The following MTURN variants were observed in gnomAD, a reference collection of about 807,000 sequenced individuals.
MTURN encodes maturin.
In MTURN, 7 loss-of-function variants were observed where a neutral mutation model predicts 14.9. That is an observed-to-expected ratio of 0.47 (90% CI 0.27 to 0.88). The LOEUF is 0.88. MTURN is among the 40% of genes least tolerant of loss of function. The pLI is 0.14. For synonymous variants in MTURN, 69 were observed against 72.5 expected, an observed-to-expected ratio of 0.95 and a Z score of 0.25; for missense variants, 151 against 174.1, an observed-to-expected ratio of 0.87 and a Z score of 0.75.
intron 2 of MTURN, among the ~76,000 whole-genome samples, chr7:30,147,003 T>A (rs1797140497): frequency 6.6e-6 from 1 of 152,268 alleles, no homozygotes; most frequent in South Asian, 2.1e-4. Flanking sequence ...CCCTGCCCAC[T>A]GTAAATACTG....
rs1368007240 is a variant in MTURN, at chr7:30,158,794, T to C, written c.*1246T>C. 1 of 152,232 alleles carries C rather than the reference T, an allele frequency of 6.6e-6. No individual in the cohort carries two copies. Among genetic ancestry groups the C allele is most frequent in the Non-Finnish European group, 1.5e-5 (1 of 68,036 alleles). The allele number at this position is 152,232 out of a possible 1,614,324, so 9.4% of individuals were successfully genotyped here. ...CTAACATGGAATTATTCCTGGACCC[T>C]TCTGCATCCCTGGTTTTAGTTAACC... On this transcript the variant is annotated 3_prime_UTR_variant, in exon 3 of 3. Coordinates refer to ENST00000324453, the MANE Select transcript of MTURN (RefSeq NM_152793.3).
chr7:30,157,247 G>T (rs1382852801), intron 2 of MTURN, among the ~76,000 whole-genome samples, 191 bp from the exon 3 acceptor site: 1 of 152,142 alleles, frequency 6.6e-6, no homozygotes, highest in Non-Finnish European at 1.5e-5. Context: ...AGCCCTTTGG[G>T]CACTAATCCA....
At chr7:30,136,489 G>C (rs763801657) in intron 1 of MTURN, among the ~76,000 whole-genome samples, 39 of 152,334 alleles carry the variant, frequency 2.6e-4, no homozygotes, top group Middle Eastern at 3.4e-3. Context: ...CTCCTCAGGT[G>C]GGGGAGACAA....
At chr7:30,148,507 CTG>C (rs1249779509) in intron 2 of MTURN, among the ~76,000 whole-genome samples, 2 of 152,164 alleles carry the variant, frequency 1.3e-5, no homozygotes, top group African/African-American at 2.4e-5. Context: ...TGAGAACAGG[CTG>C]TGTTAGGGGA....
chr7:30,145,442 T>TGC (rs1160263963), intron 1 of MTURN, among the ~76,000 whole-genome samples: 2 of 151,756 alleles, frequency 1.3e-5, no homozygotes, highest in African/African-American at 4.8e-5. Flanking sequence ...TGCAGTGAGT[T>TGC]AAGATCATGC....
Position 30,146,280 on chromosome 7 carries a change from T to C in MTURN, c.266T>C (p.Val89Ala). 6.2e-7 allele frequency: 1 copy of C among 1,614,064 alleles called. No individual in the cohort carries two copies. The highest frequency in any genetic ancestry group is 8.5e-7 in the Non-Finnish European group (1 of 1,180,040). Residue 89 changes from valine (V) to alanine (A), a missense_variant, in exon 2 of 3, where the codon GTC becomes GCC. Physicochemically the swap from Val to Ala is moderately conservative, Grantham distance 64. Coordinates refer to ENST00000324453, the MANE Select transcript of MTURN (RefSeq NM_152793.3). ...KKTLHEVLEK[V>A]FKSFRPLLGL... ...ACGCTCCACGAAGTCCTGGAAAAAG[T>C]CTTCAAGTCTTTCAGACCTGTAGGT...
chr7:30,149,808 C>T (rs1193784114), intron 2 of MTURN, among the ~76,000 whole-genome samples: 1 of 152,198 alleles, frequency 6.6e-6, no homozygotes. Context: ...TCAATCCATG[C>T]AGCTGCTTTT....
In MTURN at chr7:30,157,446, G is replaced by T. The variant is rs1268756455; in HGVS notation, c.294G>T (p.Gly98=). 2 of 1,597,244 alleles carry T rather than the reference G, an allele frequency of 1.3e-6. No individual in the cohort carries two copies. Among genetic ancestry groups the T allele is most frequent in the Non-Finnish European group, 1.7e-6 (2 of 1,173,088 alleles). The stretch of plus-strand genomic sequence containing the variant: ...TTGTTCTCTCCCTGTAGTTACTGGG[G>T]CTTCCGGATGCAGATGACGATGCGT... The part of the protein sequence containing the change: ...KVFKSFRPLL[G]LPDADDDAFE... The change falls in exon 3 of 3, where the codon GGG becomes GGT. Residue 98 remains glycine, a synonymous_variant. Transcript: ENST00000324453.
At chr7:30,150,834 G>A (rs1307780814) in intron 2 of MTURN, among the ~76,000 whole-genome samples, 2 of 152,196 alleles carry the variant, frequency 1.3e-5, no homozygotes, top group Admixed American at 6.5e-5. Context: ...AAGGTAGATC[G>A]GCTCTGCCCT....
At chr7:30,146,534 GTTGAGAATCC>G (rs766414745) in intron 2 of MTURN, among the ~76,000 whole-genome samples, 1 of 150,972 alleles carries the variant, frequency 6.6e-6, no homozygotes, top group Non-Finnish European at 1.5e-5. Context: ...CATCACTTGA[GTTGAGAATCC>G]CTGATGGGGG....
chr7:30,142,106 C>G (rs1481130933), intron 1 of MTURN, among the ~76,000 whole-genome samples: 1 of 152,166 alleles, frequency 6.6e-6, no homozygotes, highest in Non-Finnish European at 1.5e-5. Flanking sequence ...GACTGGAGAC[C>G]ACTTTTTGAT....
rs900833878 is a variant in MTURN at position 30,158,578 on chromosome 7, A to G, written c.*1030A>G. 9.9e-5 allele frequency: 15 copies of G among 152,152 alleles called. No homozygotes were observed. Among genetic ancestry groups the G allele is most frequent in the African/African-American group, 3.6e-4 (15 of 41,506 alleles). 9.4% of individuals were successfully genotyped at this position (152,152 alleles called of 1,614,324 possible). A position where few individuals can be genotyped will look rare whatever the true frequency, so the allele number is the denominator to read the frequency against. On this transcript the variant is annotated 3_prime_UTR_variant, in exon 3 of 3. Transcript: ENST00000324453. ...AAAATTTAATCACATGTTTCGAGGG[A>G]CTTAATTGTGGTGTATTTGTAAAGG... is the stretch of plus-strand genomic sequence containing the variant.
intron 1 of MTURN, among the ~76,000 whole-genome samples, chr7:30,135,623 C>T (rs973116869): frequency 6.6e-5 from 10 of 152,282 alleles, no homozygotes; most frequent in South Asian, 2.1e-4. Flanking sequence ...CCTCGCGGCC[C>T]GTGCGCGGTG....
chr7:30,135,381 T>C, intron 1 of MTURN, 83 bp downstream of exon 1: 2 of 1,262,940 alleles, frequency 1.6e-6, no homozygotes, highest in Non-Finnish European at 2.1e-6. Flanking sequence ...TCCCGCGCGG[T>C]GGGCGGCGGT....
intron 2 of MTURN, among the ~76,000 whole-genome samples, chr7:30,150,036 C>G (rs1262183214): frequency 6.6e-6 from 1 of 152,226 alleles, no homozygotes; most frequent in Admixed American, 6.5e-5. Flanking sequence ...GGATTTAAGT[C>G]TCAGTTCTAC....
At chr7:30,152,639 A>C (rs1797229789) in intron 2 of MTURN, among the ~76,000 whole-genome samples, 1 of 152,172 alleles carries the variant, frequency 6.6e-6, no homozygotes, top group African/African-American at 2.4e-5. Context: ...CACAAAAGCC[A>C]TGGTTGATTG....
intron 1 of MTURN, chr7:30,145,936 C>G (rs1216327559): frequency 7.7e-6 from 12 of 1,551,724 alleles, no homozygotes; most frequent in Non-Finnish European, 1.0e-5. Context: ...AGGAGCAGAT[C>G]TGATGATGAA....
intron 2 of MTURN, among the ~76,000 whole-genome samples, chr7:30,153,362 A>G (rs1191318626): frequency 2.0e-5 from 3 of 152,150 alleles, no homozygotes; most frequent in Non-Finnish European, 4.4e-5. Flanking sequence ...GTCCCTCCTC[A>G]CAAATTTAGA....
chr7:30,148,606 G>T (rs576429491), intron 2 of MTURN, among the ~76,000 whole-genome samples: 3 of 152,340 alleles, frequency 2.0e-5, no homozygotes, highest in East Asian at 3.9e-4. Flanking sequence ...CAGAGGCGGG[G>T]TGAGGGGTTG....
Sources: allele counts gnomAD v4.1 joint callset (sites outside exome capture counted in the v4.1 genomes callset), GRCh38; gene constraint gnomAD v4.1.1; transcripts MANE v1.5; gene names NCBI Gene and HGNC (gene_info 2026-07-23, HGNC 2026-07-21).